The following BMPR1B variants were observed in gnomAD, a reference collection of about 807,000 sequenced individuals.
BMPR1B encodes bone morphogenetic protein receptor type 1B, also known as bone morphogenetic protein receptor type-1B.
Under a neutral mutation model 59.1 loss-of-function variants are expected in BMPR1B, and 12 were observed. The ratio of observed to expected loss-of-function variants is 0.20; its 90% CI spans 0.13 to 0.33. The LOEUF (loss-of-function observed/expected upper bound fraction) is 0.33. Ranked by LOEUF, BMPR1B falls within the 10% of genes least tolerant of loss-of-function variation. The pLI is 1.00. For missense variants in BMPR1B, 550 were observed against 610.9 expected, an observed-to-expected ratio of 0.90 and a Z score of 1.05; for synonymous variants, 237 against 207.3, an observed-to-expected ratio of 1.14 and a Z score of -1.23.
At chr4:94,795,784 T>C (rs2110611925) in intron 1 of BMPR1B, among the ~76,000 whole-genome samples, 2 of 151,986 alleles carry the variant, frequency 1.3e-5, no homozygotes, top group Admixed American at 1.3e-4. Context: ...TTAAAAGAAG[T>C]AAATACAATA....
intron 1 of BMPR1B, among the ~76,000 whole-genome samples, chr4:94,860,367 A>C (rs1046988605): frequency 2.0e-5 from 3 of 152,206 alleles, no homozygotes; most frequent in African/African-American, 7.2e-5. Flanking sequence ...CAAAATAGTC[A>C]TCAGATGTTA....
chr4:94,950,891 T>C (rs763344957), intron 2 of BMPR1B, among the ~76,000 whole-genome samples: 1 of 152,218 alleles, frequency 6.6e-6, no homozygotes. Context: ...ATTTTCACAA[T>C]ATTGATTCTT....
intron 3 of BMPR1B, among the ~76,000 whole-genome samples, chr4:95,060,279 C>CTA (rs1727256508): frequency 6.6e-6 from 1 of 152,266 alleles, no homozygotes; most frequent in Non-Finnish European, 1.5e-5. Flanking sequence ...TATTCTTTCC[C>CTA]TACAGATAGA....
At chr4:94,886,442 T>C (rs958970285) in intron 2 of BMPR1B, among the ~76,000 whole-genome samples, 1 of 152,312 alleles carries the variant, frequency 6.6e-6, no homozygotes, top group South Asian at 2.1e-4. Context: ...TGTAAGCATG[T>C]TGGAAAGTTG....
intron 4 of BMPR1B, among the ~76,000 whole-genome samples, chr4:95,105,589 G>C (rs1361853159): frequency 6.6e-6 from 1 of 151,652 alleles, no homozygotes; most frequent in Non-Finnish European, 1.5e-5. Context: ...TTTAGCACAA[G>C]AAACATGACT....
intron 3 of BMPR1B, among the ~76,000 whole-genome samples, chr4:95,062,532 C>T (rs1019623490): frequency 1.3e-5 from 2 of 151,954 alleles, no homozygotes; most frequent in Admixed American, 6.6e-5. Context: ...AATGGAGCAT[C>T]TTTTTTTTCC....
At chr4:94,865,388 G>T (rs992484078) in intron 1 of BMPR1B, among the ~76,000 whole-genome samples, 72 of 142,936 alleles carry the variant, frequency 5.0e-4, no homozygotes, top group Non-Finnish European at 8.9e-4. Context: ...TTCATGCTGG[G>T]TTTTTTTTTT....
At chr4:94,845,389 C>T (rs892916263) in intron 1 of BMPR1B, among the ~76,000 whole-genome samples, 1 of 149,700 alleles carries the variant, frequency 6.7e-6, no homozygotes, top group Non-Finnish European at 1.5e-5. Flanking sequence ...GTCGCCCAGG[C>T]TGGAGTGCAG....
At chr4:94,967,679 T>G (rs1372868555) in intron 2 of BMPR1B, among the ~76,000 whole-genome samples, 1 of 152,116 alleles carries the variant, frequency 6.6e-6, no homozygotes, top group African/African-American at 2.4e-5. Flanking sequence ...AGATGGGGTT[T>G]CACCGTGTTG....
intron 3 of BMPR1B, among the ~76,000 whole-genome samples, chr4:95,103,238 A>G (rs1035140690): frequency 6.6e-6 from 1 of 152,144 alleles, no homozygotes; most frequent in African/African-American, 2.4e-5. Flanking sequence ...CACAGATTAA[A>G]AAAAATAGAC....
At chr4:94,788,860 C>T (rs1722852305) in intron 1 of BMPR1B, among the ~76,000 whole-genome samples, 2 of 152,190 alleles carry the variant, frequency 1.3e-5, no homozygotes, top group African/African-American at 4.8e-5. Flanking sequence ...GCAACTTGCT[C>T]TTCTTCCTCT....
intron 2 of BMPR1B, among the ~76,000 whole-genome samples, chr4:94,972,321 A>G (rs1730826290): frequency 6.6e-6 from 1 of 152,036 alleles, no homozygotes. Flanking sequence ...TAACTTTATT[A>G]TGACTTTTAA....
At chr4:94,998,393 G>C (rs1053839560) in intron 3 of BMPR1B, among the ~76,000 whole-genome samples, 2 of 139,900 alleles carry the variant, frequency 1.4e-5, no homozygotes, top group Admixed American at 1.5e-4. Flanking sequence ...TTTTTTTTGA[G>C]ATGGAATTTC....
At chr4:94,911,608 A>T (rs1323481499) in intron 2 of BMPR1B, among the ~76,000 whole-genome samples, 2 of 152,124 alleles carry the variant, frequency 1.3e-5, no homozygotes, top group Non-Finnish European at 2.9e-5. Context: ...TATGTTCCAA[A>T]TCATTTGAAG....
At chr4:94,962,948 A>AGCATTCTCCTTGCTCC (rs1427185823) in intron 2 of BMPR1B, among the ~76,000 whole-genome samples, 1 of 152,156 alleles carries the variant, frequency 6.6e-6, no homozygotes, top group African/African-American at 2.4e-5. Context: ...GCAGTGTACT[A>AGCATTCTCCTTGCTCC]GCATTCTCCT....
chr4:94,758,302 C>T (rs902144611), intron 1 of BMPR1B, among the ~76,000 whole-genome samples: 2 of 151,010 alleles, frequency 1.3e-5, no homozygotes. Context: ...GGGAGGGGGT[C>T]AGGCGGTGGC....
chr4:95,097,034 T>C lies in BMPR1B; in HGVS notation c.-17-7374T>C, dbSNP rs566664176. Among the ~76,000 whole-genome samples the C allele has an allele frequency of 6.2e-3, 902 of 145,130 alleles. 11 individuals are homozygous for C. The highest frequency in any genetic ancestry group is 0.021 in the African/African-American group (826 of 39,836). The stretch of plus-strand genomic sequence containing the variant: ...TGTATATTATATATAGTTTATATAA[T>C]ATAGTTATATACATAACTGTATATA... On this transcript the variant is annotated intron_variant, in intron 3 of 12. Coordinates refer to ENST00000515059, the MANE Select transcript of BMPR1B (RefSeq NM_001203.3).
At chr4:94,854,249 A>G (rs1725671227) in intron 1 of BMPR1B, among the ~76,000 whole-genome samples, 1 of 152,202 alleles carries the variant, frequency 6.6e-6, no homozygotes, top group Non-Finnish European at 1.5e-5. Flanking sequence ...GAGAGATTAT[A>G]TGAAAATAAT....
intron 2 of BMPR1B, among the ~76,000 whole-genome samples, chr4:94,906,455 A>G (rs925241281): frequency 1.3e-5 from 2 of 152,098 alleles, no homozygotes; most frequent in African/African-American, 4.8e-5. Context: ...CAACAGCCCT[A>G]AAGTAAAAAC....
Sources: allele counts gnomAD v4.1 joint callset (sites outside exome capture counted in the v4.1 genomes callset), GRCh38; gene constraint gnomAD v4.1.1; transcripts MANE v1.5; gene names NCBI Gene and HGNC (gene_info 2026-07-23, HGNC 2026-07-21).